The following PPP2R3A variants were observed in gnomAD, a reference collection of about 807,000 sequenced individuals.
PPP2R3A encodes the protein protein phosphatase 2 regulatory subunit B''alpha.
Under a neutral mutation model 106.9 loss-of-function variants are expected in PPP2R3A, and 80 were observed. The observed-to-expected ratio is 0.75, with a 90% CI of 0.62 to 0.90. PPP2R3A has a LOEUF of 0.90. Ranked by LOEUF, PPP2R3A falls within the 40% of genes least tolerant of loss-of-function variation. The pLI, the probability that PPP2R3A is intolerant of heterozygous loss-of-function variation, is 0.00. For missense variants in PPP2R3A, 1,386 were observed against 1,350.4 expected, an observed-to-expected ratio of 1.03 and a Z score of -0.41; for synonymous variants, 483 against 468.3, an observed-to-expected ratio of 1.03 and a Z score of -0.41.
At chr3:136,018,126 G>T (rs1385259078) in intron 2 of PPP2R3A, among the ~76,000 whole-genome samples, 1 of 152,150 alleles carries the variant, frequency 6.6e-6, no homozygotes, top group Non-Finnish European at 1.5e-5. Flanking sequence ...AATTAGCTGG[G>T]CACAGTGCCA....
At position 135,979,808 on chromosome 3, in the gene PPP2R3A, G is replaced by A. The variant is rs549593535; in HGVS notation, c.-441+13959G>A. The stretch of plus-strand genomic sequence containing the variant: ...TGAAGAGAGACACCAAGAGAGGGAA[G>A]GAGGCAGAGTATTATGATAGCAAGA... On this transcript the variant is annotated intron_variant, in intron 1 of 13. Transcript: ENST00000264977. Among the ~76,000 whole-genome samples the A allele has an allele frequency of 3.3e-5, 5 of 151,898 alleles. No individual in the cohort carries two copies. In the South Asian group the frequency reaches 1.0e-3, roughly 32 times the overall value.
chr3:136,049,409 G>A (rs1324396301), intron 5 of PPP2R3A, 48 bp downstream of exon 5: 1 of 1,414,504 alleles, frequency 7.1e-7, no homozygotes, highest in Non-Finnish European at 9.9e-7. Flanking sequence ...TGGAGTTTCA[G>A]CAGTTTTGTT....
At chr3:136,032,625 C>T (rs1190677077) in intron 3 of PPP2R3A, among the ~76,000 whole-genome samples, 1 of 151,882 alleles carries the variant, frequency 6.6e-6, no homozygotes, top group Non-Finnish European at 1.5e-5. Context: ...AGCTCTGCCT[C>T]CCGGGTTGAC....
At chr3:135,987,005 A>G (rs1374977764) in intron 1 of PPP2R3A, among the ~76,000 whole-genome samples, 3 of 152,090 alleles carry the variant, frequency 2.0e-5, no homozygotes, top group Non-Finnish European at 2.9e-5. Context: ...CATAATTCCA[A>G]TAAAACTGCT....
chr3:136,088,029 T>C, intron 9 of PPP2R3A, 98 bp downstream of exon 9: 3 of 934,442 alleles, frequency 3.2e-6, no homozygotes, highest in African/African-American at 1.7e-5. Flanking sequence ...GGCAGTGCTA[T>C]TGGACCAAAT....
chr3:136,073,502 C>G (rs1376377076), intron 6 of PPP2R3A, among the ~76,000 whole-genome samples: 1 of 152,128 alleles, frequency 6.6e-6, no homozygotes, highest in Non-Finnish European at 1.5e-5. Flanking sequence ...TGCTTTATCT[C>G]CAATGCACAA....
intron 11 of PPP2R3A, 119 bp downstream of exon 11, chr3:136,102,301 C>A: frequency 2.2e-5 from 19 of 860,626 alleles, no homozygotes; most frequent in East Asian, 6.5e-5. Flanking sequence ...CTTCCTAGGA[C>A]AGAAGTGTTT....
At chr3:136,054,937 T>C (rs1253071840) in intron 5 of PPP2R3A, among the ~76,000 whole-genome samples, 2 of 152,238 alleles carry the variant, frequency 1.3e-5, no homozygotes, top group Non-Finnish European at 2.9e-5. Context: ...TCATTTGAGT[T>C]CTCTGAGTTT....
intron 1 of PPP2R3A, among the ~76,000 whole-genome samples, chr3:135,979,165 G>C (rs1400369230): frequency 6.6e-6 from 1 of 151,686 alleles, no homozygotes; most frequent in Non-Finnish European, 1.5e-5. Flanking sequence ...GATCACCTGA[G>C]GTTAGGAGTT....
chr3:136,083,601 C>A (rs1021688348), intron 8 of PPP2R3A, among the ~76,000 whole-genome samples: 1 of 152,152 alleles, frequency 6.6e-6, no homozygotes, highest in Non-Finnish European at 1.5e-5. Context: ...TGGGGCGCTG[C>A]TGTAAAGATA....
intron 5 of PPP2R3A, among the ~76,000 whole-genome samples, chr3:136,061,398 C>T (rs1026848256): frequency 5.3e-5 from 8 of 152,090 alleles, no homozygotes; most frequent in African/African-American, 9.7e-5. Flanking sequence ...GAAGCCAAGG[C>T]GGGCGGATCA....
At chr3:136,104,525 C>A (rs1466587331) in intron 12 of PPP2R3A, among the ~76,000 whole-genome samples, 2 of 152,124 alleles carry the variant, frequency 1.3e-5, no homozygotes, top group African/African-American at 4.8e-5. Flanking sequence ...AGGCTGGTCT[C>A]GAACTCCCGA....
intron 9 of PPP2R3A, among the ~76,000 whole-genome samples, chr3:136,089,216 G>T (rs955940242): frequency 2.0e-5 from 3 of 152,072 alleles, no homozygotes; most frequent in Non-Finnish European, 4.4e-5. Flanking sequence ...ATAGTTTCAG[G>T]TCTGATATTT....
chr3:135,973,034 A>G (rs1165680277), intron 1 of PPP2R3A, among the ~76,000 whole-genome samples: 5 of 151,942 alleles, frequency 3.3e-5, no homozygotes, highest in Admixed American at 1.3e-4. Flanking sequence ...CTGCCAGTTT[A>G]CTCCTGTGTT....
chr3:136,040,839 T>G lies in PPP2R3A; in HGVS notation c.2263-20T>G. The G allele has an allele frequency of 6.3e-7, 1 of 1,598,524 alleles. No homozygotes were observed. Among genetic ancestry groups the G allele is most frequent in the Non-Finnish European group, 8.5e-7 (1 of 1,169,932 alleles). The stretch of plus-strand genomic sequence containing the variant: ...CTTCATTCCCTGTTGGCTTACCCTG[T>G]ATGTGTTTTCTATTTGCAGGTCTGT... On this transcript the variant is annotated intron_variant, in intron 3 of 13. Coordinates refer to ENST00000264977, the MANE Select transcript of PPP2R3A (RefSeq NM_002718.5).
chr3:136,048,621 G>A (rs565100356), intron 4 of PPP2R3A, among the ~76,000 whole-genome samples: 1 of 151,418 alleles, frequency 6.6e-6, no homozygotes, highest in Non-Finnish European at 1.5e-5. Context: ...GCAGTGAGCT[G>A]AGATTGTGCC....
intron 1 of PPP2R3A, among the ~76,000 whole-genome samples, chr3:135,974,320 G>A (rs867520276): frequency 6.6e-6 from 1 of 152,094 alleles, no homozygotes; most frequent in African/African-American, 2.4e-5. Flanking sequence ...ACAACTACAT[G>A]CTGACTACCA....
chr3:136,054,446 A>C (rs1935792566), intron 5 of PPP2R3A, among the ~76,000 whole-genome samples: 1 of 151,838 alleles, frequency 6.6e-6, no homozygotes, highest in Non-Finnish European at 1.5e-5. Context: ...ATTAGTAGAG[A>C]TGGGGTTTCA....
At chr3:136,084,345 G>C (rs779525306) in intron 8 of PPP2R3A, among the ~76,000 whole-genome samples, 6 of 152,250 alleles carry the variant, frequency 3.9e-5, no homozygotes, top group Non-Finnish European at 8.8e-5. Context: ...CGTCCACGTG[G>C]TGTTGGTTCT....
Sources: gnomAD v4.1 joint callset for allele counts (sites outside exome capture counted in the v4.1 genomes callset) on GRCh38, gnomAD v4.1.1 for gene constraint, MANE v1.5 for transcripts, NCBI Gene and HGNC (gene_info 2026-07-23, HGNC 2026-07-21) for gene names.